MTMR7: variants seen among roughly 807,000 people sequenced by gnomAD.
MTMR7 encodes the protein phosphatidylinositol-3-phosphate phosphatase MTMR7.
In MTMR7, 76 loss-of-function variants were observed where a neutral mutation model predicts 81.2. That is an observed-to-expected ratio of 0.94 (90% CI 0.78 to 1.13). MTMR7 has a LOEUF of 1.13. Ranked by LOEUF, MTMR7 falls within the 50% of genes most tolerant of loss-of-function variation. The pLI, the probability that MTMR7 is intolerant of heterozygous loss-of-function variation, is 0.00. For missense variants in MTMR7, 1,044 were observed against 820.0 expected, an observed-to-expected ratio of 1.27 and a Z score of -3.34; for synonymous variants, 372 against 289.8, an observed-to-expected ratio of 1.28 and a Z score of -2.88.
At chr8:17,340,630 G>GT (rs1344673468) in intron 6 of MTMR7, among the ~76,000 whole-genome samples, 1 of 152,182 alleles carries the variant, frequency 6.6e-6, no homozygotes, top group Non-Finnish European at 1.5e-5. Context: ...TGAGTGGGAG[G>GT]TAAGTGTAAG....
Position 17,413,344 on chromosome 8 carries a change from G to T in MTMR7, c.-52C>A. 1 of 1,502,084 alleles carries T rather than the reference G, an allele frequency of 6.7e-7. No homozygotes were observed. Among genetic ancestry groups the T allele is most frequent in the Non-Finnish European group, 8.9e-7 (1 of 1,125,640 alleles). The allele number at this position is 1,502,084 out of a possible 1,614,324, so 93.0% of individuals were successfully genotyped here. A position where few individuals can be genotyped will look rare whatever the true frequency, so the allele number is the denominator to read the frequency against. On this transcript the variant is annotated 5_prime_UTR_variant, in exon 1 of 14. Coordinates refer to ENST00000180173, the MANE Select transcript of MTMR7 (RefSeq NM_004686.5). ...GGCGGGCGCGGCCTCACGCACCTGC[G>T]CGCCTCTGCGGCGCGATGGGAGGGG...
intron 7 of MTMR7, among the ~76,000 whole-genome samples, chr8:17,315,038 T>G (rs112794063): frequency 3.0e-5 from 2 of 66,874 alleles, no homozygotes; most frequent in African/African-American, 2.5e-4. Flanking sequence ...CCTGTGGCCC[T>G]TGGGTAGTCA....
intron 1 of MTMR7, among the ~76,000 whole-genome samples, chr8:17,375,402 A>C (rs1299200084): frequency 6.6e-6 from 1 of 152,136 alleles, no homozygotes; most frequent in African/African-American, 2.4e-5. Context: ...AGCATTGTGA[A>C]ATTCCTGAGG....
chr8:17,327,672 A>G (rs1457725432), intron 7 of MTMR7, among the ~76,000 whole-genome samples: 1 of 152,204 alleles, frequency 6.6e-6, no homozygotes, highest in African/African-American at 2.4e-5. Context: ...AACCAAATAT[A>G]TTATGTCTGT....
chr8:17,374,934 CA>C (rs574389002), intron 1 of MTMR7, among the ~76,000 whole-genome samples: 102 of 152,130 alleles, frequency 6.7e-4, no homozygotes, highest in Non-Finnish European at 1.1e-3. Flanking sequence ...ACTAAAAATA[CA>C]AAAATTAGCC....
intron 2 of MTMR7, 118 bp from the exon 3 acceptor site, chr8:17,371,317 C>T: frequency 8.6e-7 from 1 of 1,163,926 alleles, no homozygotes; most frequent in Non-Finnish European, 1.2e-6. Flanking sequence ...CTCCAGCTAG[C>T]TCAACCCTTG....
intron 3 of MTMR7, among the ~76,000 whole-genome samples, chr8:17,367,874 T>G (rs1481419164): frequency 2.0e-5 from 3 of 151,808 alleles, no homozygotes; most frequent in Admixed American, 6.5e-5. Flanking sequence ...TGGGGTTTTT[T>G]TTTTTTTTTT....
chr8:17,380,099 A>G (rs10089145), intron 1 of MTMR7, among the ~76,000 whole-genome samples: 31,421 of 151,962 alleles, frequency 0.21, 4,052 homozygotes, highest in African/African-American at 0.35. Flanking sequence ...TTATGCCAGA[A>G]GGGACTGTGA....
intron 13 of MTMR7, chr8:17,301,779 C>T: frequency 4.1e-6 from 1 of 246,722 alleles, no homozygotes; most frequent in East Asian, 8.2e-5. Context: ...TCATAGTTAA[C>T]ATAATTTCTA....
chr8:17,399,989 T>C (rs1821376301), intron 1 of MTMR7, among the ~76,000 whole-genome samples: 1 of 152,144 alleles, frequency 6.6e-6, no homozygotes, highest in African/African-American at 2.4e-5. Context: ...TCTATATACA[T>C]TTTAAAGATT....
intron 1 of MTMR7, among the ~76,000 whole-genome samples, chr8:17,402,572 T>C (rs1316399477): frequency 3.9e-5 from 6 of 152,234 alleles, no homozygotes; most frequent in Non-Finnish European, 7.3e-5. Context: ...CCCATCCATG[T>C]TGCTGCAAAT....
At chr8:17,378,962 G>A (rs1820676784) in intron 1 of MTMR7, among the ~76,000 whole-genome samples, 1 of 152,196 alleles carries the variant, frequency 6.6e-6, no homozygotes, top group Non-Finnish European at 1.5e-5. Flanking sequence ...GGCAGAGTGA[G>A]AAGAGATCTG....
chr8:17,360,071 A>G (rs1394733881), intron 4 of MTMR7, among the ~76,000 whole-genome samples: 1 of 152,224 alleles, frequency 6.6e-6, no homozygotes, highest in Non-Finnish European at 1.5e-5. Context: ...GGTAGATATT[A>G]TTTGATACAG....
Position 17,341,465 on chromosome 8 carries a change from G to A in MTMR7, c.630C>T (p.Ser210=), listed in dbSNP as rs370841686. Residue 210 remains serine (S), a synonymous_variant, in exon 6 of 14, where the codon TCC becomes TCT. Transcript: ENST00000180173. The part of the protein sequence containing the change: ...ASICRSSQPL[S]GFSARCLEDE... ...CCTCTAGGCACCGGGCACTGAAGCCGGACAGGGGCTGGCTGCTCCGGCAGA... is the reference window on the plus strand; with the variant it reads ...CCTCTAGGCACCGGGCACTGAAGCCAGACAGGGGCTGGCTGCTCCGGCAGA... 3.1e-5 allele frequency: 50 copies of A among 1,614,052 alleles called. No individual in the cohort carries two copies. The highest frequency in any genetic ancestry group is 2.0e-4 in the African/African-American group (15 of 75,054).
intron 1 of MTMR7, among the ~76,000 whole-genome samples, chr8:17,385,085 A>G (rs1357468445): frequency 6.6e-6 from 1 of 152,190 alleles, no homozygotes; most frequent in Non-Finnish European, 1.5e-5. Context: ...TAAAACAATT[A>G]ATTCTTCAAA....
At chr8:17,356,478 C>G (rs534963311) in intron 4 of MTMR7, among the ~76,000 whole-genome samples, 2 of 152,168 alleles carry the variant, frequency 1.3e-5, no homozygotes, top group East Asian at 3.9e-4. Context: ...GCGGGCAGAT[C>G]ACTTGAGGTC....
rs1382729915 is a variant in MTMR7 at position 17,313,414 on chromosome 8, T to C, written c.866-13A>G. On this transcript the variant is annotated splice_polypyrimidine_tract_variant and intron_variant, in intron 7 of 13. Transcript: ENST00000180173. ...TTAAGTTCACACACTGCAAGATAAA[T>C]CATGTTATAAAAGCAAAATTAAGGT... The C allele has an allele frequency of 1.9e-6, 3 of 1,575,782 alleles. No individual in the cohort carries two copies. The highest frequency in any genetic ancestry group is 2.6e-6 in the Non-Finnish European group (3 of 1,152,062).
intron 5 of MTMR7, among the ~76,000 whole-genome samples, chr8:17,343,959 G>A (rs540289086): frequency 1.3e-5 from 2 of 152,286 alleles, no homozygotes; most frequent in African/African-American, 2.4e-5. Context: ...CTCTTCAGTT[G>A]TAAACCGGAA....
intron 3 of MTMR7, among the ~76,000 whole-genome samples, chr8:17,367,119 T>C (rs890084043): frequency 2.0e-5 from 3 of 152,036 alleles, no homozygotes; most frequent in Admixed American, 2.0e-4. Context: ...TGCTTAAACA[T>C]CAATGACTTA....
Sources: gnomAD v4.1 joint callset for allele counts (sites outside exome capture counted in the v4.1 genomes callset) on GRCh38, gnomAD v4.1.1 for gene constraint, MANE v1.5 for transcripts, NCBI Gene and HGNC (gene_info 2026-07-23, HGNC 2026-07-21) for gene names.